Variants in HSPA4L observed in about 807,000 individuals in gnomAD.
HSPA4L encodes heat shock protein family A (Hsp70) member 4 like, also known as heat shock 70 kDa protein 4L.
Under a neutral mutation model 100.3 loss-of-function variants are expected in HSPA4L, and 48 were observed. The observed-to-expected ratio is 0.48, with a 90% CI of 0.38 to 0.61. The LOEUF is 0.61. Ranked by LOEUF, HSPA4L falls within the 20% of genes least tolerant of loss-of-function variation. The pLI is 0.00. For missense variants in HSPA4L, 886 were observed against 988.6 expected, an observed-to-expected ratio of 0.90 and a Z score of 1.39; for synonymous variants, 319 against 328.2, an observed-to-expected ratio of 0.97 and a Z score of 0.30.
intron 3 of HSPA4L, 33 bp from the exon 4 acceptor site, chr4:127,798,554 A>T: frequency 6.2e-7 from 1 of 1,608,608 alleles, no homozygotes; most frequent in South Asian, 1.1e-5. Context: ...TAAACAAATG[A>T]CTCTTAATAA....
chr4:127,834,936 C>CGT lies in HSPA4L; in HGVS notation c.*2062_*2063insGT, dbSNP rs1734168940. ...TAATTTTTGTAATTATATAACACTTCATTTAATAACTTATATACATCCAAA... is the reference window on the plus strand; with the variant it reads ...TAATTTTTGTAATTATATAACACTTCGTATTTAATAACTTATATACATCCAAA... On this transcript the variant is annotated 3_prime_UTR_variant, in exon 19 of 19. Transcript: ENST00000296464. 7 of 152,132 alleles carry CGT rather than the reference C, an allele frequency of 4.6e-5. No homozygotes were observed. The highest frequency in any genetic ancestry group is 4.6e-4 in the Admixed American group (7 of 15,268). 9.4% of individuals were successfully genotyped at this position (152,132 alleles called of 1,614,324 possible).
At position 127,811,471 on chromosome 4, in the gene HSPA4L, T is replaced by G; in HGVS notation, c.1413T>G (p.Ser471=). 6.2e-7 allele frequency: 1 copy of G among 1,614,050 alleles called. No individual in the cohort carries two copies. The highest frequency in any genetic ancestry group is 2.2e-5 in the East Asian group (1 of 44,844). The change falls in exon 12 of 19, where the codon TCT becomes TCG. Residue 471 remains serine (S), a synonymous_variant. Coordinates refer to ENST00000296464, the MANE Select transcript of HSPA4L (RefSeq NM_014278.4). The stretch of plus-strand genomic sequence containing the variant: ...CTATTCAGAATGTTTTTCCACAGTC[T>G]GATGGTGATAGTTCCAAAGTGAAGG... ...SFTIQNVFPQ[S]DGDSSKVKVK... is the part of the protein sequence containing the mutation.
intron 14 of HSPA4L, 76 bp from the exon 15 acceptor site, chr4:127,822,693 G>A (rs1733843385): frequency 7.4e-7 from 1 of 1,351,276 alleles, no homozygotes; most frequent in Non-Finnish European, 1.0e-6. Flanking sequence ...TGAGTGTGAA[G>A]TGGTATCTTG....
intron 4 of HSPA4L, 87 bp from the exon 5 acceptor site, chr4:127,801,051 G>A: frequency 3.3e-6 from 3 of 921,956 alleles, no homozygotes; most frequent in Middle Eastern, 2.3e-4. Flanking sequence ...GCCTTAAACT[G>A]TACATAAGTT....
chr4:127,803,964 T>C (rs748068285), intron 7 of HSPA4L, 47 bp from the exon 8 acceptor site: 2 of 1,608,806 alleles, frequency 1.2e-6, no homozygotes, highest in East Asian at 2.2e-5. Flanking sequence ...GAAGATACGC[T>C]CAACTTTTAA....
chr4:127,783,445 CTG>C (rs1304338979), intron 1 of HSPA4L: 2 of 1,355,184 alleles, frequency 1.5e-6, no homozygotes, highest in African/African-American at 1.5e-5. Flanking sequence ...ATAAACATGA[CTG>C]TGGAGTGATT....
At chr4:127,788,389 G>C (rs1226960872) in intron 1 of HSPA4L, among the ~76,000 whole-genome samples, 1 of 152,186 alleles carries the variant, frequency 6.6e-6, no homozygotes, top group Non-Finnish European at 1.5e-5. Flanking sequence ...AATTGCAGCA[G>C]TGAGTTTTTT....
chr4:127,808,384 T>C (rs1438208564), intron 11 of HSPA4L, among the ~76,000 whole-genome samples: 1 of 152,210 alleles, frequency 6.6e-6, no homozygotes, highest in Non-Finnish European at 1.5e-5. Flanking sequence ...GAAAAACAAG[T>C]GTCTGTACTG....
chr4:127,809,405 A>T (rs1281223791), intron 11 of HSPA4L: 2 of 1,238,824 alleles, frequency 1.6e-6, no homozygotes, highest in Non-Finnish European at 2.4e-6. Flanking sequence ...ATTCATTTGG[A>T]TACTTCATAA....
At chr4:127,822,644 C>A in intron 14 of HSPA4L, 125 bp from the exon 15 acceptor site, 2 of 875,948 alleles carry the variant, frequency 2.3e-6, no homozygotes, top group South Asian at 4.0e-5. Context: ...TTCTCCACAT[C>A]CTCATGAATA....
At chr4:127,815,351 A>G (rs1408402611) in intron 12 of HSPA4L, among the ~76,000 whole-genome samples, 2 of 152,142 alleles carry the variant, frequency 1.3e-5, no homozygotes, top group East Asian at 1.9e-4. Context: ...AATACTTATT[A>G]AGAAATTACC....
intron 16 of HSPA4L, 58 bp downstream of exon 16, chr4:127,823,682 G>C: frequency 1.0e-6 from 1 of 973,750 alleles, no homozygotes; most frequent in African/African-American, 1.7e-5. Context: ...AAAAATTAGG[G>C]TGTAAGAGCA....
chr4:127,802,983 G>T (rs554338988), intron 6 of HSPA4L, among the ~76,000 whole-genome samples: 86 of 152,192 alleles, frequency 5.7e-4, no homozygotes, highest in Non-Finnish European at 1.1e-3. Context: ...TAGGGAGAGA[G>T]CCTAGATGTT....
chr4:127,830,123 T>C (rs1734042208), intron 17 of HSPA4L, among the ~76,000 whole-genome samples: 1 of 152,192 alleles, frequency 6.6e-6, no homozygotes, highest in Non-Finnish European at 1.5e-5. Context: ...GGAGATTCTC[T>C]TTCTATATGT....
chr4:127,830,591 A>T (rs750925836), intron 17 of HSPA4L, 47 bp from the exon 18 acceptor site: 41 of 1,442,540 alleles, frequency 2.8e-5, no homozygotes, highest in Non-Finnish European at 3.3e-5. Context: ...AACTGGTGCT[A>T]GCTGAAAAAT....
rs779803834 is a variant in HSPA4L at position 127,830,650 on chromosome 4, G to A, written c.2179G>A (p.Asp727Asn). 7.6e-6 allele frequency: 12 copies of A among 1,577,636 alleles called. No individual in the cohort carries two copies. The African/African-American group carries it at 1.5e-4, about 20-fold the overall frequency. The change falls in exon 18 of 19, where the codon GAT (aspartate) becomes AAT (asparagine). Residue 727 changes from aspartate to asparagine, a missense_variant. By Grantham distance (23) the Asp-to-Asn change is conservative (BLOSUM62 1). Coordinates refer to ENST00000296464, the MANE Select transcript of HSPA4L (RefSeq NM_014278.4). The stretch of plus-strand genomic sequence containing the variant: ...TTTTTTTAAATAGGATGAAAGATAT[G>A]ATCATCTGGATCCTACTGAAATGGA... The part of the protein sequence containing the change: ...EAYRNKDERY[D>N]HLDPTEMEKV...
intron 1 of HSPA4L, among the ~76,000 whole-genome samples, chr4:127,790,358 G>A (rs774502965): frequency 1.3e-5 from 2 of 152,136 alleles, no homozygotes; most frequent in African/African-American, 2.4e-5. Flanking sequence ...AATGGCAAAC[G>A]CATATTTTCT....
chr4:127,786,127 A>G (rs1732709751), intron 1 of HSPA4L, among the ~76,000 whole-genome samples: 1 of 152,242 alleles, frequency 6.6e-6, no homozygotes, highest in African/African-American at 2.4e-5. Context: ...GTGCTAAGCA[A>G]GCATTGTCAT....
intron 12 of HSPA4L, chr4:127,813,166 C>G: frequency 7.0e-7 from 1 of 1,437,554 alleles, no homozygotes; most frequent in Non-Finnish European, 9.7e-7. Flanking sequence ...GAACATATAT[C>G]GGGTGCCTCT....
Sources: allele counts gnomAD v4.1 joint callset (sites outside exome capture counted in the v4.1 genomes callset), GRCh38; gene constraint gnomAD v4.1.1; transcripts MANE v1.5; gene names NCBI Gene and HGNC (gene_info 2026-07-23, HGNC 2026-07-21).